CDH12: variants seen among roughly 807,000 people sequenced by gnomAD.
CDH12 encodes the protein cadherin-12.
Under a neutral mutation model 74.1 loss-of-function variants are expected in CDH12, and 41 were observed. The observed-to-expected ratio is 0.55, with a 90% confidence interval of 0.43 to 0.72. CDH12 has a LOEUF of 0.72. Ranked by LOEUF, CDH12 falls within the 30% of genes least tolerant of loss-of-function variation. The pLI, the probability that CDH12 is intolerant of heterozygous loss-of-function variation, is 0.00. For synonymous variants in CDH12, 399 were observed against 355.0 expected (o/e 1.12, Z -1.39); for missense variants, 945 against 977.2 (o/e 0.97, Z 0.44).
At chr5:21,866,038 G>A (rs1295498739) in intron 6 of CDH12, among the ~76,000 whole-genome samples, 3 of 152,120 alleles carry the variant, frequency 2.0e-5, no homozygotes, top group Non-Finnish European at 2.9e-5. Context: ...TTTATGAAGG[G>A]AAACCTCTTT....
chr5:22,124,229 C>T (rs544085222), intron 4 of CDH12, among the ~76,000 whole-genome samples: 1 of 152,186 alleles, frequency 6.6e-6, no homozygotes, highest in South Asian at 2.1e-4. Flanking sequence ...GATCTTGGCT[C>T]ACTGCAATCT....
intron 13 of CDH12, 91 bp downstream of exon 13, chr5:21,760,467 A>T: frequency 1.4e-6 from 1 of 702,864 alleles, no homozygotes; most frequent in Non-Finnish European, 2.6e-6. Flanking sequence ...TTATGAAATT[A>T]AGTGCTTCAA....
At chr5:21,998,173 T>C (rs1736404003) in intron 5 of CDH12, among the ~76,000 whole-genome samples, 1 of 152,066 alleles carries the variant, frequency 6.6e-6, no homozygotes, top group South Asian at 2.1e-4. Flanking sequence ...TTTCCCTTCC[T>C]TGGCTCTATG....
At chr5:22,610,382 T>C (rs1420373073) in intron 1 of CDH12, among the ~76,000 whole-genome samples, 1 of 152,190 alleles carries the variant, frequency 6.6e-6, no homozygotes, top group Non-Finnish European at 1.5e-5. Context: ...GATTTCTGCA[T>C]TAATGCATAT....
Position 22,012,940 on chromosome 5 carries a change from C to T in CDH12, c.232-37555G>A, listed in dbSNP as rs536921556. The stretch of plus-strand genomic sequence containing the variant: ...CCTGTATAAAAATGAGAAACTTTAT[C>T]TCTGAATGCAGATGCCATGTTTTCA... On this transcript the variant is annotated intron_variant, in intron 5 of 14. Coordinates refer to ENST00000382254, the MANE Select transcript of CDH12 (RefSeq NM_004061.5). 4.3e-3 allele frequency among the ~76,000 whole-genome samples: 618 copies of T among 143,952 alleles called. 7 individuals are homozygous for T. Among genetic ancestry groups the T allele is most frequent in the African/African-American group, 0.015 (592 of 38,304 alleles). The allele number at this position is 143,952 out of a possible 152,430, so 94.4% of individuals were successfully genotyped here. A position where few individuals can be genotyped will look rare whatever the true frequency, so the allele number is the denominator to read the frequency against.
At chr5:22,813,760 G>T (rs1237772666) in intron 1 of CDH12, among the ~76,000 whole-genome samples, 1 of 152,040 alleles carries the variant, frequency 6.6e-6, no homozygotes, top group Non-Finnish European at 1.5e-5. Context: ...AAACCAAAGA[G>T]CCCACAAGGA....
At chr5:22,718,985 G>T (rs901911607) in intron 1 of CDH12, among the ~76,000 whole-genome samples, 1 of 152,142 alleles carries the variant, frequency 6.6e-6, no homozygotes, top group African/African-American at 2.4e-5. Context: ...TAAATATAGA[G>T]CTTTTACTGA....
At chr5:22,176,760 T>C (rs1452922700) in intron 4 of CDH12, among the ~76,000 whole-genome samples, 1 of 152,136 alleles carries the variant, frequency 6.6e-6, no homozygotes, top group Non-Finnish European at 1.5e-5. Flanking sequence ...AATCAGATCA[T>C]ACCACTCTTC....
intron 3 of CDH12, among the ~76,000 whole-genome samples, chr5:22,392,822 G>T (rs1742299596): frequency 6.6e-6 from 1 of 152,140 alleles, no homozygotes; most frequent in Admixed American, 6.6e-5. Flanking sequence ...GATAGATAGA[G>T]TATAGTGGAG....
chr5:22,047,978 G>C (rs1740080042), intron 5 of CDH12, among the ~76,000 whole-genome samples: 1 of 152,230 alleles, frequency 6.6e-6, no homozygotes, highest in African/African-American at 2.4e-5. Flanking sequence ...TCTTTTGAGA[G>C]ACTTCATATT....
chr5:22,342,607 CTTT>C (rs1393211327), intron 3 of CDH12, among the ~76,000 whole-genome samples: 174 of 115,166 alleles, frequency 1.5e-3, no homozygotes, highest in African/African-American at 4.7e-3. Context: ...CTCTTTCTTA[CTTT>C]TTTCTTTCTT....
chr5:22,270,843 T>G (rs1736365250), intron 3 of CDH12, among the ~76,000 whole-genome samples: 2 of 151,796 alleles, frequency 1.3e-5, no homozygotes, highest in South Asian at 4.2e-4. Flanking sequence ...CCCAGCTAAT[T>G]TTTTGTGTAT....
intron 1 of CDH12, among the ~76,000 whole-genome samples, chr5:22,746,849 A>T (rs1318037520): frequency 4.6e-5 from 7 of 152,198 alleles, no homozygotes; most frequent in Non-Finnish European, 1.0e-4. Context: ...TTACACCTCA[A>T]ACTATGACTG....
At chr5:22,696,475 T>C (rs2126951727) in intron 1 of CDH12, among the ~76,000 whole-genome samples, 1 of 152,260 alleles carries the variant, frequency 6.6e-6, no homozygotes, top group African/African-American at 2.4e-5. Context: ...AATGTTCAAT[T>C]TTTGTAAGGA....
At chr5:22,705,116 C>CCT (rs1554060405) in intron 1 of CDH12, among the ~76,000 whole-genome samples, 3 of 126,072 alleles carry the variant, frequency 2.4e-5, no homozygotes, top group Non-Finnish European at 3.3e-5. Flanking sequence ...CCCACCCAGT[C>CCT]ATATATATAT....
intron 3 of CDH12, among the ~76,000 whole-genome samples, chr5:22,283,235 T>TAG (rs1736983208): frequency 1.3e-5 from 1 of 75,760 alleles, no homozygotes; most frequent in African/African-American, 5.9e-5. Flanking sequence ...TATATATATA[T>TAG]ATATATATAT....
intron 3 of CDH12, among the ~76,000 whole-genome samples, chr5:22,386,171 C>T (rs1410897797): frequency 6.6e-6 from 1 of 152,062 alleles, no homozygotes; most frequent in Non-Finnish European, 1.5e-5. Flanking sequence ...AGATTACAGG[C>T]GTGAGCCACT....
At chr5:22,745,403 A>T (rs1032539289) in intron 1 of CDH12, among the ~76,000 whole-genome samples, 1 of 152,186 alleles carries the variant, frequency 6.6e-6, no homozygotes, top group African/African-American at 2.4e-5. Context: ...TTGACCCAGC[A>T]ATCCTGTTAC....
At chr5:22,651,838 C>T (rs1739758772) in intron 1 of CDH12, among the ~76,000 whole-genome samples, 1 of 151,760 alleles carries the variant, frequency 6.6e-6, no homozygotes, top group South Asian at 2.1e-4. Context: ...TGAATTATAT[C>T]TTAATATATC....
Sources: gnomAD v4.1 joint callset for allele counts (sites outside exome capture counted in the v4.1 genomes callset) on GRCh38, gnomAD v4.1.1 for gene constraint, MANE v1.5 for transcripts, NCBI Gene and HGNC (gene_info 2026-07-23, HGNC 2026-07-21) for gene names.